GCNT1: variants seen among roughly 807,000 people sequenced by gnomAD.
GCNT1 encodes beta-1,3-galactosyl-O-glycosyl-glycoprotein beta-1,6-N-acetylglucosaminyltransferase.
A neutral mutation model predicts 26.2 loss-of-function variants in GCNT1; 16 were observed. The observed-to-expected ratio is 0.61, with a 90% CI of 0.41 to 0.93. The LOEUF (loss-of-function observed/expected upper bound fraction) is 0.93, where lower values mean the gene tolerates loss of function less well. Among genes scored for constraint, GCNT1 ranks in the 40% least tolerant of loss-of-function variants. The pLI, the probability that GCNT1 is intolerant of heterozygous loss-of-function variation, is 0.00. For missense variants in GCNT1, 477 were observed against 526.7 expected (o/e 0.91, Z 0.92); for synonymous variants, 183 against 190.8 (o/e 0.96, Z 0.34).
chr9:76,476,261 G>A (rs893830817), intron 2 of GCNT1, among the ~76,000 whole-genome samples: 13 of 152,054 alleles, frequency 8.5e-5, no homozygotes, highest in African/African-American at 2.2e-4. Context: ...AACCCAAGAC[G>A]TGTGGCCCAT....
Position 76,504,896 on chromosome 9 carries a change from CTT to C in GCNT1, c.*1230_*1231del, listed in dbSNP as rs1399255067. Reference sequence around the variant, plus strand: ...CCTGTTGGAAGGCCTGGGGAGGGAACTTTGGGTTTGGGACAGATTTTTTTTTT... The same window carrying C: ...CCTGTTGGAAGGCCTGGGGAGGGAACTGGGTTTGGGACAGATTTTTTTTTT... On this transcript the variant is annotated 3_prime_UTR_variant, in exon 4 of 4. Transcript: ENST00000376730. The C allele has an allele frequency of 7.3e-6, 3 of 412,940 alleles. No individual in the cohort carries two copies. The highest frequency in any genetic ancestry group is 1.3e-5 in the Non-Finnish European group (3 of 226,058). 25.6% of individuals were successfully genotyped at this position (412,940 alleles called of 1,614,324 possible).
intron 2 of GCNT1, among the ~76,000 whole-genome samples, chr9:76,494,895 A>G (rs1278075752): frequency 6.6e-6 from 1 of 152,098 alleles, no homozygotes; most frequent in Admixed American, 6.5e-5. Context: ...CTCTCTGTCA[A>G]CCCTGGGCTC....
chr9:76,443,816 G>A (rs551682700), intron 1 of GCNT1, among the ~76,000 whole-genome samples: 4 of 151,878 alleles, frequency 2.6e-5, no homozygotes, highest in African/African-American at 9.7e-5. Context: ...GGGAGGCGGA[G>A]GTTTCAGTGA....
chr9:76,503,068 T>G lies in GCNT1; in HGVS notation c.687T>G (p.Ile229Met). 6.2e-7 allele frequency: 1 copy of G among 1,614,062 alleles called. No homozygotes were observed. Among genetic ancestry groups the G allele is most frequent in the African/African-American group, 1.3e-5 (1 of 74,990 alleles). The change falls in exon 4 of 4, where the codon ATT becomes ATG. Residue 229 changes from isoleucine (I) to methionine (M), a missense_variant. Physicochemically the swap from Ile to Met is conservative, Grantham distance 10 (BLOSUM62 1). Coordinates refer to ENST00000376730, the MANE Select transcript of GCNT1 (RefSeq NM_001490.5). ...MDFPIKTNLE[I>M]VRKLKLLMGE... ...TTCCCATTAAAACCAACCTAGAAAT[T>G]GTCAGGAAGCTCAAGTTGTTAATGG...
In GCNT1 at chr9:76,506,921, A is replaced by G. The variant is rs186016388; in HGVS notation, c.*3253A>G. On this transcript the variant is annotated 3_prime_UTR_variant, in exon 4 of 4. Coordinates refer to ENST00000376730, the MANE Select transcript of GCNT1 (RefSeq NM_001490.5). ...AAAAATAAAAATAATTTCTCATATTAAATACAGACGCTCCTCAACTTATGA... is the reference window on the plus strand; with the variant it reads ...AAAAATAAAAATAATTTCTCATATTGAATACAGACGCTCCTCAACTTATGA... 5.0e-4 allele frequency: 84 copies of G among 167,186 alleles called. No homozygotes were observed. The highest frequency in any genetic ancestry group is 6.8e-3 in the Middle Eastern group (2 of 296). 10.4% of individuals were successfully genotyped at this position (167,186 alleles called of 1,614,324 possible).
chr9:76,479,295 T>G (rs1824349240), intron 2 of GCNT1, among the ~76,000 whole-genome samples: 1 of 152,216 alleles, frequency 6.6e-6, no homozygotes, highest in Admixed American at 6.5e-5. Context: ...TTTGCTATTG[T>G]GAATAGTGCC....
At chr9:76,433,040 A>C (rs113388050) in intron 1 of GCNT1, among the ~76,000 whole-genome samples, 3 of 152,038 alleles carry the variant, frequency 2.0e-5, no homozygotes, top group African/African-American at 7.2e-5. Context: ...GTGGGAGACC[A>C]CCCTTGTGGC....
At chr9:76,492,999 A>T in intron 2 of GCNT1, among the ~76,000 whole-genome samples, 1 of 152,080 alleles carries the variant, frequency 6.6e-6, no homozygotes, top group Non-Finnish European at 1.5e-5. Context: ...TAATAAACTT[A>T]TCTTTTAGGA....
chr9:76,459,257 G>T lies in GCNT1; in HGVS notation c.-456G>T, dbSNP rs1053024388. 3 of 152,638 alleles carry T rather than the reference G, an allele frequency of 2.0e-5. No homozygotes were observed. The highest frequency in any genetic ancestry group is 7.2e-5 in the African/African-American group (3 of 41,468). 9.5% of individuals were successfully genotyped at this position (152,638 alleles called of 1,614,324 possible). A position where few individuals can be genotyped will look rare whatever the true frequency, so the allele number is the denominator to read the frequency against. On this transcript the variant is annotated 5_prime_UTR_variant, in exon 1 of 4. Coordinates refer to ENST00000376730, the MANE Select transcript of GCNT1 (RefSeq NM_001490.5). ...GCGGGGCGGGAGCTTGGTGGAGCAG[G>T]AGCGGCTGGGCATCCTCCTGAGACT...
intron 2 of GCNT1, among the ~76,000 whole-genome samples, chr9:76,495,561 ATGCTGATTGGTCCATTTTACACAG>A (rs1824884868): frequency 6.6e-6 from 1 of 152,108 alleles, no homozygotes. Context: ...ATTTTACAGA[ATGCTGATTGGTCCATTTTACACAG>A]TGCTGATTGG....
chr9:76,479,005 C>T (rs1012766591), intron 2 of GCNT1, among the ~76,000 whole-genome samples: 1 of 152,094 alleles, frequency 6.6e-6, no homozygotes, highest in Non-Finnish European at 1.5e-5. Flanking sequence ...TATCCATCCC[C>T]CTTCCCCCCA....
chr9:76,429,229 T>C (rs767729645), intron 1 of GCNT1, among the ~76,000 whole-genome samples: 8 of 152,214 alleles, frequency 5.3e-5, no homozygotes, highest in Non-Finnish European at 1.0e-4. Context: ...GGTTTTTTTC[T>C]GATTCTATTC....
At chr9:76,394,727 A>G in the GCNT1 span, among the ~76,000 whole-genome samples, 1 of 152,194 alleles carries the variant, frequency 6.6e-6, no homozygotes, top group Admixed American at 6.5e-5. Context: ...CAATTCTCGA[A>G]CAATTCTGGT....
At position 76,472,744 on chromosome 9, in the gene GCNT1, CTTTTCT is replaced by C. The variant is rs1431704966; in HGVS notation, c.-290+12572_-290+12577del. ...TCTTTCTTTTCTTTTCTTTTCTTTT[CTTTTCT>C]TTTTTTTTTTTTTTTTGAGATGGAG... On this transcript the variant is annotated intron_variant, in intron 2 of 3. Transcript: ENST00000376730. Among the ~76,000 whole-genome samples the C allele has an allele frequency of 1.6e-3, 198 of 122,220 alleles. 1 individual carries two copies. The highest frequency in any genetic ancestry group is 6.4e-3 in the African/African-American group (184 of 28,542). The allele number at this position is 122,220 out of a possible 152,430, so 80.2% of individuals were successfully genotyped here. A position where few individuals can be genotyped will look rare whatever the true frequency, so the allele number is the denominator to read the frequency against.
At chr9:76,420,044 T>C (rs1455257474) in intron 1 of GCNT1, 1 of 152,290 alleles carries the variant, frequency 6.6e-6, no homozygotes. Flanking sequence ...TCCATGAAAT[T>C]AGATGTTATC....
chr9:76,394,149 C>T, the GCNT1 span: 1 of 1,608,930 alleles, frequency 6.2e-7, no homozygotes, highest in Non-Finnish European at 8.5e-7. Flanking sequence ...TTGACCCCGG[C>T]AGAAGTAAGG....
At chr9:76,427,520 C>A (rs1001000874) in intron 1 of GCNT1, among the ~76,000 whole-genome samples, 5 of 151,988 alleles carry the variant, frequency 3.3e-5, no homozygotes, top group African/African-American at 7.3e-5. Flanking sequence ...ATTGGTATTA[C>A]CTTCTGAAGA....
chr9:76,470,409 G>A (rs1824102808), intron 2 of GCNT1, among the ~76,000 whole-genome samples: 1 of 151,968 alleles, frequency 6.6e-6, no homozygotes, highest in African/African-American at 2.4e-5. Context: ...TTCGAGACCA[G>A]CCTGGGCAAT....
At chr9:76,442,392 C>T (rs1413433328) in intron 1 of GCNT1, 1 of 152,186 alleles carries the variant, frequency 6.6e-6, no homozygotes, top group East Asian at 1.9e-4. Context: ...GAAACTAACA[C>T]AGTTGTGACC....
Sources: gnomAD v4.1 joint callset for allele counts (sites outside exome capture counted in the v4.1 genomes callset) on GRCh38, gnomAD v4.1.1 for gene constraint, MANE v1.5 for transcripts, NCBI Gene and HGNC (gene_info 2026-07-23, HGNC 2026-07-21) for gene names.